Variants in TENM2 observed in about 807,000 individuals in gnomAD.
The protein encoded by TENM2 is teneurin transmembrane protein 2.
Under a neutral mutation model 245.2 loss-of-function variants are expected in TENM2, and 52 were observed. That is an observed-to-expected ratio of 0.21 (90% CI 0.17 to 0.27). The LOEUF is 0.27. TENM2 is among the 10% of genes least tolerant of loss of function. TENM2 has a pLI of 1.00. For missense variants in TENM2, 3,046 were observed against 3,666.8 expected, an observed-to-expected ratio of 0.83 and a Z score of 4.37; for synonymous variants, 1,363 against 1,438.9, an observed-to-expected ratio of 0.95 and a Z score of 1.19.
At chr5:167,699,405 G>A (rs150116342) in intron 2 of TENM2, among the ~76,000 whole-genome samples, 7 of 152,198 alleles carry the variant, frequency 4.6e-5, no homozygotes, top group Admixed American at 1.3e-4. Flanking sequence ...GATGTAAAAG[G>A]AACACCCAAA....
chr5:167,130,937 T>C, the TENM2 span, among the ~76,000 whole-genome samples: 1 of 148,556 alleles, frequency 6.7e-6, no homozygotes, highest in Admixed American at 6.7e-5. Context: ...ATGCTTTCCT[T>C]CTGGTGGAAT....
chr5:167,321,987 T>G (rs147900640), intron 1 of TENM2, among the ~76,000 whole-genome samples: 1,632 of 151,500 alleles, frequency 0.011, 28 homozygotes, highest in African/African-American at 0.037. Context: ...CACCACCACG[T>G]CTGACTAGTT....
At chr5:167,285,694 A>G (rs572286757) in intron 1 of TENM2, among the ~76,000 whole-genome samples, 2 of 152,338 alleles carry the variant, frequency 1.3e-5, no homozygotes, top group Non-Finnish European at 2.9e-5. Flanking sequence ...CGTAGAATAA[A>G]GCAAAGCAGT....
intron 2 of TENM2, among the ~76,000 whole-genome samples, chr5:167,409,796 G>GAT (rs1762815644): frequency 6.6e-6 from 1 of 151,720 alleles, no homozygotes; most frequent in Non-Finnish European, 1.5e-5. Context: ...TCTGCACATT[G>GAT]ATAATAGCAA....
chr5:167,340,575 G>T (rs1244614742), intron 1 of TENM2, among the ~76,000 whole-genome samples: 1 of 152,096 alleles, frequency 6.6e-6, no homozygotes, highest in African/African-American at 2.4e-5. Flanking sequence ...TCCCTCTCAT[G>T]ATCTCATTTA....
the TENM2 span, among the ~76,000 whole-genome samples, chr5:167,063,870 G>A: frequency 2.6e-5 from 4 of 152,178 alleles, no homozygotes; most frequent in African/African-American, 9.7e-5. Flanking sequence ...CACCCTGAAA[G>A]CTTTGGATAG....
Position 167,296,263 on chromosome 5 carries a change from T to C in TENM2, c.226+11200T>C, listed in dbSNP as rs545578324. 4.6e-5 allele frequency: 7 copies of C among 152,306 alleles called. No individual in the cohort carries two copies. The East Asian group carries it at 1.4e-3, about 29-fold the overall frequency. The allele number at this position is 152,306 out of a possible 1,614,324, so 9.4% of individuals were successfully genotyped here. Reference sequence around the variant, plus strand: ...AATAGTCGGCACTGGGCAATTGCGGTCCCAGTGGGATACATTTCAGTTTAA... The same window carrying C: ...AATAGTCGGCACTGGGCAATTGCGGCCCCAGTGGGATACATTTCAGTTTAA... On this transcript the variant is annotated intron_variant, in intron 1 of 28. Transcript: ENST00000518659.
At chr5:167,195,026 G>A in the TENM2 span, among the ~76,000 whole-genome samples, 68 of 151,976 alleles carry the variant, frequency 4.5e-4, no homozygotes, top group African/African-American at 1.5e-3. Flanking sequence ...GCTAGTCCGT[G>A]TGGGTTTATG....
At chr5:167,284,761 C>T (rs1771240438), upstream of TENM2, 3 of 1,080,398 alleles carry the variant, frequency 2.8e-6, no homozygotes, top group Non-Finnish European at 4.1e-6. Flanking sequence ...TCTATGTTTT[C>T]AGGTGGCAAA....
the TENM2 span, among the ~76,000 whole-genome samples, chr5:167,149,757 A>C: frequency 6.6e-6 from 1 of 152,146 alleles, no homozygotes; most frequent in East Asian, 1.9e-4. Context: ...CTCTCCTTCC[A>C]ACGCTTCCCA....
intron 1 of TENM2, among the ~76,000 whole-genome samples, chr5:167,366,437 T>C (rs1760060120): frequency 6.6e-6 from 1 of 152,166 alleles, no homozygotes; most frequent in Non-Finnish European, 1.5e-5. Flanking sequence ...TTTTTGGTTA[T>C]TCTGATGCAG....
chr5:167,375,422 G>A, exon 2 of TENM2: 1 of 1,551,696 alleles, frequency 6.4e-7, no homozygotes, highest in South Asian at 1.2e-5. Flanking sequence ...TGAAAACTCG[G>A]CCCTTACCCT....
chr5:168,102,053 T>TGTGTG (rs1793858710), intron 9 of TENM2, among the ~76,000 whole-genome samples: 3 of 151,106 alleles, frequency 2.0e-5, no homozygotes, highest in East Asian at 3.9e-4. Flanking sequence ...TTTTTTGTTT[T>TGTGTG]TGTGTGTGTG....
chr5:167,139,096 G>T, the TENM2 span, among the ~76,000 whole-genome samples: 1 of 152,188 alleles, frequency 6.6e-6, no homozygotes, highest in Non-Finnish European at 1.5e-5. Flanking sequence ...CAAAGACACA[G>T]ACTCATTTTC....
chr5:167,747,887 C>A (rs1761700342), intron 2 of TENM2, among the ~76,000 whole-genome samples: 1 of 149,104 alleles, frequency 6.7e-6, no homozygotes, highest in East Asian at 2.0e-4. Flanking sequence ...ATTTCAAGTC[C>A]CTCTCTCTCT....
At chr5:167,454,902 A>T (rs1029655583) in intron 2 of TENM2, among the ~76,000 whole-genome samples, 8 of 152,174 alleles carry the variant, frequency 5.3e-5, no homozygotes, top group African/African-American at 1.9e-4. Flanking sequence ...CTCCCAAATG[A>T]TGTTGACTAA....
At chr5:167,005,729 T>C in the TENM2 span, among the ~76,000 whole-genome samples, 2 of 150,096 alleles carry the variant, frequency 1.3e-5, no homozygotes, top group African/African-American at 2.5e-5. Context: ...TGGCGTGGTA[T>C]TGGCTCACTG....
At chr5:167,566,896 C>G (rs373116704) in intron 2 of TENM2, among the ~76,000 whole-genome samples, 1 of 152,104 alleles carries the variant, frequency 6.6e-6, no homozygotes, top group Non-Finnish European at 1.5e-5. Context: ...AGGGGTTGTT[C>G]CAATTACTAT....
intron 3 of TENM2, among the ~76,000 whole-genome samples, chr5:167,932,243 G>C (rs1778347491): frequency 2.0e-5 from 3 of 152,110 alleles, no homozygotes; most frequent in Admixed American, 6.5e-5. Flanking sequence ...CATGGGACCT[G>C]CGAAAGGAAA....
Sources: allele counts gnomAD v4.1 joint callset (sites outside exome capture counted in the v4.1 genomes callset), GRCh38; gene constraint gnomAD v4.1.1; transcripts MANE v1.5; gene names NCBI Gene and HGNC (gene_info 2026-07-23, HGNC 2026-07-21).